Variants in SLC38A6 observed in about 807,000 individuals in gnomAD.
SLC38A6 encodes solute carrier family 38 member 6.
A neutral mutation model predicts 65.0 loss-of-function variants in SLC38A6; 73 were observed. The observed-to-expected ratio is 1.12, with a 90% CI of 0.93 to 1.37. The LOEUF (loss-of-function observed/expected upper bound fraction) is 1.37. Ranked by LOEUF, SLC38A6 falls within the 40% of genes most tolerant of loss-of-function variation. SLC38A6 has a pLI of 0.00. For missense variants in SLC38A6, 561 were observed against 531.1 expected, an observed-to-expected ratio of 1.06 and a Z score of -0.55; for synonymous variants, 183 against 178.8, an observed-to-expected ratio of 1.02 and a Z score of -0.19.
At chr14:61,041,476 C>CT (rs1191100216) in intron 8 of SLC38A6, among the ~76,000 whole-genome samples, 1 of 152,118 alleles carries the variant, frequency 6.6e-6, no homozygotes, top group East Asian at 1.9e-4. Context: ...GATTTGAAAG[C>CT]TTAAGAAATA....
At chr14:61,043,700 T>C in intron 10 of SLC38A6, among the ~76,000 whole-genome samples, 197 bp downstream of exon 10, 1 of 150,202 alleles carries the variant, frequency 6.7e-6, no homozygotes, top group Non-Finnish European at 1.5e-5. Flanking sequence ...CACCTTTTTT[T>C]TTTTTTTTTT....
intron 15 of SLC38A6, among the ~76,000 whole-genome samples, chr14:61,069,239 C>T (rs1367289784): frequency 6.6e-6 from 1 of 152,068 alleles, no homozygotes; most frequent in Non-Finnish European, 1.5e-5. Flanking sequence ...CCCATTTTGC[C>T]TGTTACTGTT....
chr14:61,062,780 A>G (rs1471927828), intron 15 of SLC38A6, among the ~76,000 whole-genome samples: 1 of 152,198 alleles, frequency 6.6e-6, no homozygotes, highest in Non-Finnish European at 1.5e-5. Context: ...TCCTGGGTTC[A>G]AGCAATTCTA....
intron 15 of SLC38A6, among the ~76,000 whole-genome samples, chr14:61,069,920 G>C (rs972944793): frequency 3.9e-5 from 6 of 152,152 alleles, no homozygotes; most frequent in African/African-American, 1.4e-4. Context: ...TAGAGAGAGA[G>C]AGAGAGAATA....
intron 15 of SLC38A6, among the ~76,000 whole-genome samples, chr14:61,069,689 G>T (rs2043160424): frequency 6.6e-6 from 1 of 151,772 alleles, no homozygotes; most frequent in African/African-American, 2.4e-5. Flanking sequence ...GATTATTTTG[G>T]TATACCATTA....
chr14:61,015,525 A>ATATAT (rs10690542), intron 3 of SLC38A6, among the ~76,000 whole-genome samples: 141,607 of 151,996 alleles, frequency 0.93, 66,350 homozygotes, highest in Non-Finnish European at 0.99. Flanking sequence ...CAGAAATGAG[A>ATATAT]TAGAGAAACA....
At chr14:61,048,617 T>C (rs1250938570) in intron 12 of SLC38A6, among the ~76,000 whole-genome samples, 1 of 152,170 alleles carries the variant, frequency 6.6e-6, no homozygotes, top group African/African-American at 2.4e-5. Context: ...TTGTAATAAA[T>C]CTAGTTCTTC....
chr14:61,015,379 A>C (rs1394414446), intron 3 of SLC38A6, among the ~76,000 whole-genome samples: 1 of 151,940 alleles, frequency 6.6e-6, no homozygotes, highest in Non-Finnish European at 1.5e-5. Context: ...GGTTCACTGC[A>C]CCCACTGTCC....
chr14:61,075,194 G>A (rs544412652), intron 15 of SLC38A6, among the ~76,000 whole-genome samples: 1 of 152,178 alleles, frequency 6.6e-6, no homozygotes, highest in African/African-American at 2.4e-5. Flanking sequence ...AAGAACAGAA[G>A]CGTTTAATAT....
rs776298179 is a variant in SLC38A6 at position 60,981,291 on chromosome 14, G to A, written c.14G>A (p.Trp5Ter). 12 of 1,606,846 alleles carry A rather than the reference G, an allele frequency of 7.5e-6. No individual in the cohort carries two copies. The highest frequency in any genetic ancestry group is 1.3e-5 in the African/African-American group (1 of 74,872). ...CTGGAGAGCAGCATGGAGGCGTCCT[G>A]GGGGAGCTTCAACGCTGAGCGGGGC... MEAS[W>*]GSFNAERGWY... is the part of the protein sequence containing the mutation. Residue 5 changes from tryptophan (W) to a stop codon, truncating the protein, a stop_gained, in exon 1 of 16, where the codon TGG becomes TAG. Transcript: ENST00000267488. LOFTEE classifies it high-confidence loss of function.
chr14:61,041,549 C>G (rs578249340), intron 8 of SLC38A6, among the ~76,000 whole-genome samples: 17 of 152,266 alleles, frequency 1.1e-4, no homozygotes, highest in African/African-American at 3.4e-4. Flanking sequence ...CACAGCAAGT[C>G]CTCAGTAAAT....
intron 2 of SLC38A6, among the ~76,000 whole-genome samples, chr14:60,984,508 ATTTTTT>A (rs376647917): frequency 6.6e-6 from 1 of 150,830 alleles, no homozygotes; most frequent in Non-Finnish European, 1.5e-5. Flanking sequence ...TTTGGTTTTT[ATTTTTT>A]TTTATTTTAA....
At position 61,044,067 on chromosome 14, in the gene SLC38A6, C is replaced by G. The variant is rs183557415; in HGVS notation, c.744+564C>G. On this transcript the variant is annotated intron_variant, in intron 10 of 15. Coordinates refer to ENST00000267488, the MANE Select transcript of SLC38A6 (RefSeq NM_153811.3). ...GATACTGGAAATGCCTGTAAGAGCC[C>G]CTGAGCATCAGCAGAGGAGACAAGA... 1.6e-4 allele frequency among the ~76,000 whole-genome samples: 25 copies of G among 152,188 alleles called. No individual in the cohort carries two copies. The East Asian group carries it at 4.3e-3, about 26-fold the overall frequency.
chr14:61,022,467 G>GTATATATATA (rs61566181), intron 5 of SLC38A6, among the ~76,000 whole-genome samples: 1 of 147,476 alleles, frequency 6.8e-6, no homozygotes, highest in Non-Finnish European at 1.5e-5. Context: ...TATTAAATAA[G>GTATATATATA]TATATATATA....
At chr14:60,991,680 G>A (rs1310446985) in intron 3 of SLC38A6, among the ~76,000 whole-genome samples, 2 of 152,112 alleles carry the variant, frequency 1.3e-5, no homozygotes, top group Admixed American at 6.5e-5. Context: ...TCACCTTCAA[G>A]GCTTTGACAA....
At chr14:61,001,246 A>G (rs1482702726) in intron 3 of SLC38A6, among the ~76,000 whole-genome samples, 1 of 152,198 alleles carries the variant, frequency 6.6e-6, no homozygotes, top group African/African-American at 2.4e-5. Flanking sequence ...ACATTCTGCA[A>G]TACACAGGAC....
chr14:61,041,096 C>T (rs1230657761), intron 8 of SLC38A6, among the ~76,000 whole-genome samples: 1 of 152,144 alleles, frequency 6.6e-6, no homozygotes, highest in Non-Finnish European at 1.5e-5. Flanking sequence ...GGGCTTAGAG[C>T]AGAGAGAAGG....
chr14:61,029,306 G>C (rs1326731862), intron 5 of SLC38A6, among the ~76,000 whole-genome samples: 1 of 151,966 alleles, frequency 6.6e-6, no homozygotes. Context: ...GCAGGCAACT[G>C]CCACCACGCC....
At chr14:61,079,628 C>T (rs1434176798) in intron 16 of SLC38A6, among the ~76,000 whole-genome samples, 2 of 152,172 alleles carry the variant, frequency 1.3e-5, no homozygotes, top group Non-Finnish European at 2.9e-5. Flanking sequence ...TTTAATTTCT[C>T]TAAATGATAA....
Sources: allele counts gnomAD v4.1 joint callset (sites outside exome capture counted in the v4.1 genomes callset), GRCh38; gene constraint gnomAD v4.1.1; transcripts MANE v1.5; gene names NCBI Gene and HGNC (gene_info 2026-07-23, HGNC 2026-07-21).